Variants in ST3GAL1 observed in about 807,000 individuals in gnomAD.
ST3GAL1 encodes ST3 beta-galactoside alpha-2,3-sialyltransferase 1, also known as CMP-N-acetylneuraminate-beta-galactosamide-alpha-2,3-sialyltransferase 1.
Under a neutral mutation model 34.1 loss-of-function variants are expected in ST3GAL1, and 16 were observed. The observed-to-expected ratio is 0.47, with a 90% CI of 0.32 to 0.71. The LOEUF is 0.71. Among genes scored for constraint, ST3GAL1 ranks in the 30% least tolerant of loss-of-function variants. The pLI is 0.04. For missense variants in ST3GAL1, 353 were observed against 447.4 expected, an observed-to-expected ratio of 0.79 and a Z score of 1.90; for synonymous variants, 191 against 184.7, an observed-to-expected ratio of 1.03 and a Z score of -0.28.
In ST3GAL1 at chr8:133,455,756, C is replaced by A. The variant is rs1279852299; in HGVS notation, c.*4008G>T. On this transcript the variant is annotated 3_prime_UTR_variant, in exon 10 of 10. Coordinates refer to ENST00000522652, the MANE Select transcript of ST3GAL1 (RefSeq NM_173344.3). The stretch of plus-strand genomic sequence containing the variant: ...CCCTCGAGGCTCGGGCTTCCCTGCA[C>A]AAGGTATTTTTGATCCTTGCCAGCG... 1 of 152,248 alleles carries A rather than the reference C, an allele frequency of 6.6e-6. No homozygotes were observed. Among genetic ancestry groups the A allele is most frequent in the African/African-American group, 2.4e-5 (1 of 41,440 alleles). 9.4% of individuals were successfully genotyped at this position (152,248 alleles called of 1,614,324 possible).
At chr8:133,473,267 A>G (rs1245374213) in intron 5 of ST3GAL1, among the ~76,000 whole-genome samples, 1 of 152,096 alleles carries the variant, frequency 6.6e-6, no homozygotes, top group African/African-American at 2.4e-5. Flanking sequence ...CTCTCTAATA[A>G]CAGTTTTTAA....
intron 9 of ST3GAL1, among the ~76,000 whole-genome samples, chr8:133,460,683 C>T (rs1815464869): frequency 1.3e-5 from 2 of 152,154 alleles, no homozygotes; most frequent in East Asian, 3.9e-4. Flanking sequence ...CTGAGTGGTC[C>T]TTGTTGGAAA....
At chr8:133,516,198 C>T (rs1240126852) in intron 2 of ST3GAL1, 1 of 152,322 alleles carries the variant, frequency 6.6e-6, no homozygotes, top group East Asian at 1.9e-4. Flanking sequence ...ATCCTCCCTG[C>T]TATGCCTAGA....
intron 2 of ST3GAL1, among the ~76,000 whole-genome samples, chr8:133,503,461 C>T (rs903649415): frequency 3.9e-5 from 6 of 152,212 alleles, no homozygotes; most frequent in Admixed American, 2.0e-4. Flanking sequence ...GTCTGCTCCC[C>T]CTCCGCCCCA....
At chr8:133,500,093 G>A (rs1191745112) in intron 2 of ST3GAL1, among the ~76,000 whole-genome samples, 2 of 152,196 alleles carry the variant, frequency 1.3e-5, no homozygotes, top group Non-Finnish European at 2.9e-5. Context: ...CTCAGTTGAG[G>A]GCAATAACAA....
At chr8:133,544,791 G>T (rs1217500617) in intron 2 of ST3GAL1, among the ~76,000 whole-genome samples, 1 of 152,176 alleles carries the variant, frequency 6.6e-6, no homozygotes, top group Non-Finnish European at 1.5e-5. Context: ...AATTTTAAAA[G>T]TTACTCCATT....
chr8:133,498,185 G>A (rs895203783), intron 3 of ST3GAL1, among the ~76,000 whole-genome samples: 10 of 152,176 alleles, frequency 6.6e-5, no homozygotes, highest in East Asian at 1.9e-4. Flanking sequence ...GTCTTCCCCC[G>A]CCAGAAGGCA....
intron 2 of ST3GAL1, among the ~76,000 whole-genome samples, chr8:133,536,022 T>C (rs976031454): frequency 1.3e-5 from 2 of 152,226 alleles, no homozygotes; most frequent in Non-Finnish European, 2.9e-5. Context: ...TCCTGGAGTT[T>C]GGTGCTGTTG....
chr8:133,538,289 G>A (rs10100781), intron 2 of ST3GAL1, among the ~76,000 whole-genome samples: 9,222 of 152,238 alleles, frequency 0.061, 613 homozygotes, highest in East Asian at 0.34. Flanking sequence ...CCAAGGTGGG[G>A]GGATCACCTG....
chr8:133,535,525 A>ATTTTTTTTTTTT (rs112708766), intron 2 of ST3GAL1, among the ~76,000 whole-genome samples: 1 of 144,936 alleles, frequency 6.9e-6, no homozygotes, highest in African/African-American at 2.7e-5. Context: ...GTATTTTTTA[A>ATTTTTTTTTTTT]TTTTTTTTTT....
At chr8:133,566,977 C>G (rs1305541071) in intron 1 of ST3GAL1, 1 of 152,364 alleles carries the variant, frequency 6.6e-6, no homozygotes, top group East Asian at 1.9e-4. Flanking sequence ...CCATGTGGAA[C>G]AGGCTTACAG....
chr8:133,497,456 A>ATTTTTTTT (rs1159737986), intron 3 of ST3GAL1, among the ~76,000 whole-genome samples: 2 of 20,434 alleles, frequency 9.8e-5, no homozygotes, highest in African/African-American at 4.3e-4. Flanking sequence ...TTTTGTTGGA[A>ATTTTTTTT]TTTTTTTTTT....
At position 133,459,964 on chromosome 8, in the gene ST3GAL1, CCAGACAG is replaced by C; in HGVS notation, c.850-34_850-28del. 6.3e-7 allele frequency: 1 copy of C among 1,592,602 alleles called. No individual in the cohort carries two copies. The highest frequency in any genetic ancestry group is 8.6e-7 in the Non-Finnish European group (1 of 1,165,836). Reference sequence around the variant, plus strand: ...TGTGGGAGCAAAGCAAAGATGAGAACCAGACAGCAGGGCTGCTGGTGGCACCTCTGAG... The same window carrying C: ...TGTGGGAGCAAAGCAAAGATGAGAACCAGGGCTGCTGGTGGCACCTCTGAG... On this transcript the variant is annotated intron_variant, in intron 9 of 9. Coordinates refer to ENST00000522652, the MANE Select transcript of ST3GAL1 (RefSeq NM_173344.3). The surrounding 1 kb of genome is among the most constrained non-coding windows in gnomAD (Gnocchi z 4.7).
chr8:133,533,390 C>T (rs1430514870), intron 2 of ST3GAL1, among the ~76,000 whole-genome samples: 3 of 152,174 alleles, frequency 2.0e-5, no homozygotes, highest in Admixed American at 6.5e-5. Flanking sequence ...CATGGGCTCT[C>T]GAGCAGCCTA....
At chr8:133,475,635 C>T (rs1003549326) in intron 5 of ST3GAL1, 84 bp downstream of exon 5, 2 of 1,424,540 alleles carry the variant, frequency 1.4e-6, no homozygotes, top group African/African-American at 2.9e-5. Flanking sequence ...CACTCTTATC[C>T]AGATCCCCAC....
intron 1 of ST3GAL1, among the ~76,000 whole-genome samples, chr8:133,553,360 T>A (rs1403612075): frequency 6.6e-6 from 1 of 152,230 alleles, no homozygotes; most frequent in African/African-American, 2.4e-5. Flanking sequence ...CTTGCCCGTG[T>A]GCCTCTGGAA....
chr8:133,555,864 T>G (rs181466828), intron 1 of ST3GAL1, among the ~76,000 whole-genome samples: 3,150 of 152,148 alleles, frequency 0.021, 109 homozygotes, highest in African/African-American at 0.071. Flanking sequence ...ACCCATTTTT[T>G]TTGTTGTTGT....
intron 1 of ST3GAL1, among the ~76,000 whole-genome samples, chr8:133,563,336 A>G (rs1288282202): frequency 6.6e-6 from 1 of 152,190 alleles, no homozygotes; most frequent in African/African-American, 2.4e-5. Flanking sequence ...GAATTATTGC[A>G]AGTAATTTTT....
intron 2 of ST3GAL1, among the ~76,000 whole-genome samples, chr8:133,502,426 T>TAAA (rs57572575): frequency 0.065 from 9,100 of 140,538 alleles, 395 homozygotes; most frequent in East Asian, 0.15. Flanking sequence ...GATGTCCTTA[T>TAAA]AAAAAAAAAA....
Sources: gnomAD v4.1 joint callset for allele counts (sites outside exome capture counted in the v4.1 genomes callset) on GRCh38, gnomAD v4.1.1 for gene constraint, Gnocchi (gnomAD v3.1) non-coding constraint, MANE v1.5 for transcripts, NCBI Gene and HGNC (gene_info 2026-07-23, HGNC 2026-07-21) for gene names.